The following SMARCE1 variants were observed in gnomAD, a reference collection of about 807,000 sequenced individuals.
The protein encoded by SMARCE1 is SWI/SNF-related matrix-associated actin-dependent regulator of chromatin subfamily E member 1.
SMARCE1 carries 13 observed loss-of-function variants against 54.9 expected under a neutral mutation model. That is an observed-to-expected ratio of 0.24 (90% CI 0.15 to 0.38). SMARCE1 has a LOEUF of 0.38. Among genes scored for constraint, SMARCE1 ranks in the 10% least tolerant of loss-of-function variants. SMARCE1 has a pLI of 1.00. For synonymous variants in SMARCE1, 151 were observed against 175.3 expected, an observed-to-expected ratio of 0.86 and a Z score of 1.10; for missense variants, 295 against 523.8, an observed-to-expected ratio of 0.56 and a Z score of 4.26.
intron 8 of SMARCE1, 151 bp from the exon 9 acceptor site, chr17:40,631,844 T>C (rs1164231721): frequency 1.7e-6 from 1 of 584,830 alleles, no homozygotes; most frequent in African/African-American, 1.9e-5. Context: ...CACAAAGAAA[T>C]GATTATGATC....
chr17:40,631,836 C>A, intron 8 of SMARCE1, 143 bp from the exon 9 acceptor site: 1 of 584,458 alleles, frequency 1.7e-6, no homozygotes, highest in Non-Finnish European at 3.0e-6. Context: ...AAATGCAGCA[C>A]AAAGAAATGA....
At chr17:40,639,414 A>C (rs2037175864) in intron 4 of SMARCE1, among the ~76,000 whole-genome samples, 1 of 152,198 alleles carries the variant, frequency 6.6e-6, no homozygotes, top group Admixed American at 6.5e-5. Flanking sequence ...CCACTGTCAA[A>C]ATTTTTTGAA....
In SMARCE1 at chr17:40,632,378, C is replaced by A; in HGVS notation, c.542-11G>T. 6.2e-7 allele frequency: 1 copy of A among 1,611,098 alleles called. No individual in the cohort carries two copies. Among genetic ancestry groups the A allele is most frequent in the Non-Finnish European group, 8.5e-7 (1 of 1,178,342 alleles). ...AGCCATCATCATAATCTGGAGTGAA[C>A]AAATTGTTCTGGAAATCAGGTCACC... On this transcript the variant is annotated splice_polypyrimidine_tract_variant and intron_variant, in intron 7 of 10. Transcript: ENST00000348513.
In SMARCE1 at chr17:40,627,595, G is replaced by A. The variant is rs907186779; in HGVS notation, c.*1190C>T. 2 of 152,546 alleles carry A rather than the reference G, an allele frequency of 1.3e-5. No homozygotes were observed. The highest frequency in any genetic ancestry group is 4.8e-5 in the African/African-American group (2 of 41,452). The allele number at this position is 152,546 out of a possible 1,614,324, so 9.4% of individuals were successfully genotyped here. Reference sequence around the variant, plus strand: ...GATAGTTGGGTGAGACAAGGGCCCTGAGTACACAAATTTATAATGGCTGAG... The same window carrying A: ...GATAGTTGGGTGAGACAAGGGCCCTAAGTACACAAATTTATAATGGCTGAG... On this transcript the variant is annotated 3_prime_UTR_variant, in exon 11 of 11. Transcript: ENST00000348513.
At chr17:40,644,894 C>T (rs1180007059) in intron 3 of SMARCE1, 1 of 152,094 alleles carries the variant, frequency 6.6e-6, no homozygotes, top group Non-Finnish European at 1.5e-5. Flanking sequence ...GAAGCCATTT[C>T]AGCAAGACCT....
At chr17:40,636,198 A>G (rs1036133553) in intron 6 of SMARCE1, 96 bp from the exon 7 acceptor site, 5 of 1,234,630 alleles carry the variant, frequency 4.0e-6, no homozygotes, top group Non-Finnish European at 5.7e-6. Context: ...GATATGATGT[A>G]AACAGGGTGT....
At chr17:40,635,377 CTCA>C (rs1464146652) in intron 7 of SMARCE1, 1 of 152,048 alleles carries the variant, frequency 6.6e-6, no homozygotes, top group Non-Finnish European at 1.5e-5. Flanking sequence ...CTGCTAACTA[CTCA>C]TACAGAATGG....
At position 40,627,238 on chromosome 17, in the gene SMARCE1, C is replaced by T. The variant is rs2037044939; in HGVS notation, c.*1547G>A. ...GTCAAGAGTTGTTTCCACCCAGTAT[C>T]AAGCTTCCTCCCCTCCTCTCTCAGG... On this transcript the variant is annotated 3_prime_UTR_variant, in exon 11 of 11. Coordinates refer to ENST00000348513, the MANE Select transcript of SMARCE1 (RefSeq NM_003079.5). The T allele has an allele frequency of 1.3e-5, 2 of 152,236 alleles. No homozygotes were observed. The highest frequency in any genetic ancestry group is 4.8e-5 in the African/African-American group (2 of 41,448). The allele number at this position is 152,236 out of a possible 1,614,324, so 9.4% of individuals were successfully genotyped here.
intron 6 of SMARCE1, 80 bp from the exon 7 acceptor site, chr17:40,636,182 T>C: frequency 7.8e-7 from 1 of 1,274,728 alleles, no homozygotes; most frequent in Non-Finnish European, 1.1e-6. Context: ...CACTTGAATA[T>C]CAAAAGATAT....
chr17:40,631,663 C>G lies in SMARCE1; in HGVS notation c.745G>C (p.Glu249Gln). Reference protein sequence around the residue: ...RKLEAELLQIEERHQEKKRKF... With the variant: ...RKLEAELLQIQERHQEKKRKF... ...CTCTTCTTCTCCTGGTGTCGTTCCT[C>G]TATTTGAAGAAGTTCAGCTTCTAGT... The change falls in exon 9 of 11, where the codon GAG becomes CAG. Residue 249 changes from glutamate (E) to glutamine (Q), a missense_variant. Coordinates refer to ENST00000348513, the MANE Select transcript of SMARCE1 (RefSeq NM_003079.5). 1 of 1,611,132 alleles carries G rather than the reference C, an allele frequency of 6.2e-7. No individual in the cohort carries two copies. Among genetic ancestry groups the G allele is most frequent in the Non-Finnish European group, 8.5e-7 (1 of 1,177,658 alleles).
At chr17:40,634,424 C>G (rs142794658) in intron 7 of SMARCE1, 1 of 152,290 alleles carries the variant, frequency 6.6e-6, no homozygotes. Flanking sequence ...TGAGCCATGG[C>G]GCCTGGCAAT....
rs2037087035 is a variant in SMARCE1 at position 40,630,854 on chromosome 17, G to C, written c.887C>G (p.Ala296Gly). Residue 296 changes from alanine (A) to glycine (G), a missense_variant, in exon 10 of 11, where the codon GCC becomes GGC. By Grantham distance (60) the Ala-to-Gly change is moderately conservative. Coordinates refer to ENST00000348513, the MANE Select transcript of SMARCE1 (RefSeq NM_003079.5). ...AAEIAQAEEQARKRQEEREKE... is the reference protein window; with the variant it reads ...AAEIAQAEEQGRKRQEEREKE... ...CTCCCTTTCCTCCTGCCTTTTGCGG[G>C]CCTGTTCCTCTGCCTGTGCAATCTC... 6.2e-6 allele frequency: 10 copies of C among 1,613,788 alleles called. No individual in the cohort carries two copies. Among genetic ancestry groups the C allele is most frequent in the Non-Finnish European group, 8.5e-6 (10 of 1,179,968 alleles).
intron 7 of SMARCE1, chr17:40,635,184 T>G: frequency 6.6e-6 from 1 of 151,784 alleles, no homozygotes; most frequent in East Asian, 1.9e-4. Flanking sequence ...CTGATGTTCT[T>G]GTCGCTTGCA....
chr17:40,633,158 T>G (rs1450078814), intron 7 of SMARCE1: 1 of 152,180 alleles, frequency 6.6e-6, no homozygotes, highest in Non-Finnish European at 1.5e-5. Context: ...TACAGGCGCA[T>G]GACACCACGC....
chr17:40,642,275 G>T lies in SMARCE1; in HGVS notation c.156+180C>A. 1.5e-6 allele frequency: 1 copy of T among 669,624 alleles called. No homozygotes were observed. The allele number at this position is 669,624 out of a possible 1,614,324, so 41.5% of individuals were successfully genotyped here. The stretch of plus-strand genomic sequence containing the variant: ...TTTCTTTTCTTCTATATACATTCCA[G>T]ATCTCACTATTTATTTTTTCAGTGT... On this transcript the variant is annotated intron_variant, in intron 4 of 10. Coordinates refer to ENST00000348513, the MANE Select transcript of SMARCE1 (RefSeq NM_003079.5). This position sits in a 1 kb window ranked among gnomAD's most constrained non-coding sequence, Gnocchi z 4.6.
At chr17:40,646,445 TCTC>T (rs930288274) in intron 1 of SMARCE1, among the ~76,000 whole-genome samples, 6 of 152,208 alleles carry the variant, frequency 3.9e-5, no homozygotes, top group Admixed American at 3.9e-4. Flanking sequence ...TCAAAATTTT[TCTC>T]CTCAAGGGAA....
At chr17:40,645,716 AGAGT>A (rs1439957939) in intron 2 of SMARCE1, 76 bp downstream of exon 2, 1 of 1,110,064 alleles carries the variant, frequency 9.0e-7, no homozygotes, top group East Asian at 2.8e-5. Context: ...AAAAAAAATG[AGAGT>A]ATTTTGGAAT....
Position 40,642,154 on chromosome 17 carries a change from G to T in SMARCE1, c.156+301C>A. Reference sequence around the variant, plus strand: ...GAAAAATACTCTTTATGTCAAAAAGGATATTTTTACCTTAAGAAATTCTGT... The same window carrying T: ...GAAAAATACTCTTTATGTCAAAAAGTATATTTTTACCTTAAGAAATTCTGT... On this transcript the variant is annotated intron_variant, in intron 4 of 10. Coordinates refer to ENST00000348513, the MANE Select transcript of SMARCE1 (RefSeq NM_003079.5). This position sits in a 1 kb window ranked among gnomAD's most constrained non-coding sequence, Gnocchi z 4.6. 3 of 513,122 alleles carry T rather than the reference G, an allele frequency of 5.8e-6. No homozygotes were observed. Among genetic ancestry groups the T allele is most frequent in the Non-Finnish European group, 1.0e-5 (3 of 295,856 alleles). The allele number at this position is 513,122 out of a possible 1,614,324, so 31.8% of individuals were successfully genotyped here. A position where few individuals can be genotyped will look rare whatever the true frequency, so the allele number is the denominator to read the frequency against.
intron 3 of SMARCE1, chr17:40,643,748 C>T (rs1488183431): frequency 6.6e-6 from 1 of 152,200 alleles, no homozygotes; most frequent in Non-Finnish European, 1.5e-5. Context: ...TGCCGCTGCA[C>T]ATATCCTTAG....
Sources: allele counts gnomAD v4.1 joint callset (sites outside exome capture counted in the v4.1 genomes callset), GRCh38; gene constraint gnomAD v4.1.1; non-coding constraint Gnocchi (gnomAD v3.1); transcripts MANE v1.5; gene names NCBI Gene and HGNC (gene_info 2026-07-23, HGNC 2026-07-21).